Variants in SPC25 observed in about 807,000 individuals in gnomAD.
SPC25 encodes the protein kinetochore protein Spc25.
Under a neutral mutation model 29.6 loss-of-function variants are expected in SPC25, and 22 were observed. The observed-to-expected ratio is 0.74, with a 90% CI of 0.53 to 1.06. The LOEUF is 1.06. Among genes scored for constraint, SPC25 ranks in the 50% least tolerant of loss-of-function variants. SPC25 has a pLI of 0.00. For synonymous variants in SPC25, 91 were observed against 90.4 expected, an observed-to-expected ratio of 1.01 and a Z score of -0.04; for missense variants, 230 against 255.8, an observed-to-expected ratio of 0.90 and a Z score of 0.69.
At chr2:168,867,450 A>G (rs1196873656), downstream of SPC25, among the ~76,000 whole-genome samples, 2 of 152,234 alleles carry the variant, frequency 1.3e-5, no homozygotes, top group Admixed American at 1.3e-4. Context: ...CAAATTGGAT[A>G]AAGAGTCAAG....
intron 1 of SPC25, 23 bp from the exon 2 acceptor site, chr2:168,889,556 A>G: frequency 6.3e-7 from 1 of 1,594,250 alleles, no homozygotes; most frequent in South Asian, 1.1e-5. Context: ...TACATATTGC[A>G]TTTTTTAAGT....
chr2:168,872,796 A>G (rs892443295), intron 6 of SPC25, among the ~76,000 whole-genome samples: 1 of 152,164 alleles, frequency 6.6e-6, no homozygotes, highest in Non-Finnish European at 1.5e-5. Context: ...AAACATCTGT[A>G]TAAGAAATCA....
At chr2:168,867,489 C>A (rs914402591), downstream of SPC25, among the ~76,000 whole-genome samples, 63 of 152,176 alleles carry the variant, frequency 4.1e-4, no homozygotes, top group Non-Finnish European at 7.3e-5. Context: ...TTCAGGAAAC[C>A]CATCTCACAT....
intron 5 of SPC25, among the ~76,000 whole-genome samples, chr2:168,875,582 A>G (rs141900971): frequency 3.7e-4 from 56 of 152,248 alleles, no homozygotes; most frequent in African/African-American, 1.3e-3. Context: ...TCCATTTAAT[A>G]TCATCAGACC....
chr2:168,865,443 A>G (rs1689809583), intron 4 of SPC25: 1 of 154,684 alleles, frequency 6.5e-6, no homozygotes, highest in African/African-American at 2.4e-5. Flanking sequence ...GAGACAGGCA[A>G]TCAAGACACC....
intron 3 of SPC25, among the ~76,000 whole-genome samples, chr2:168,878,575 A>G (rs1229274233): frequency 6.6e-6 from 1 of 152,230 alleles, no homozygotes; most frequent in East Asian, 1.9e-4. Flanking sequence ...TGGTAAAACT[A>G]TAAGGAAAAA....
intron 4 of SPC25, among the ~76,000 whole-genome samples, chr2:168,864,106 T>G (rs1341398862): frequency 6.6e-6 from 1 of 152,122 alleles, no homozygotes; most frequent in Non-Finnish European, 1.5e-5. Flanking sequence ...TAGCTGGGAC[T>G]ACAGGCGTGT....
intron 4 of SPC25, chr2:168,863,305 TAAGAATAGTGATTTATGACTAAGAAAA>T (rs1455731357): frequency 2.3e-5 from 15 of 664,018 alleles, no homozygotes; most frequent in Non-Finnish European, 2.8e-5. Context: ...TAATGTCCTT[TAAGAATAGTGATTTATGACTAAGAAAA>T]TGTAGAAAAG....
intron 3 of SPC25, among the ~76,000 whole-genome samples, chr2:168,882,830 C>T (rs868127314): frequency 2.0e-5 from 3 of 151,950 alleles, no homozygotes; most frequent in Admixed American, 6.6e-5. Flanking sequence ...ATAATTTAAC[C>T]TCAGATTAAT....
chr2:168,867,770 C>T (rs1467598743), downstream of SPC25, among the ~76,000 whole-genome samples: 1 of 152,050 alleles, frequency 6.6e-6, no homozygotes, highest in East Asian at 1.9e-4. Flanking sequence ...CTTTAACACC[C>T]CACTGTCAAC....
intron 6 of SPC25, among the ~76,000 whole-genome samples, chr2:168,872,861 G>A (rs1015372847): frequency 1.3e-5 from 2 of 152,066 alleles, no homozygotes; most frequent in Admixed American, 6.6e-5. Context: ...AGGGCACAGC[G>A]CTGTGCCAGC....
At chr2:168,870,342 C>A (rs1288913703), downstream of SPC25, among the ~76,000 whole-genome samples, 4 of 151,440 alleles carry the variant, frequency 2.6e-5, no homozygotes, top group East Asian at 1.9e-4. Context: ...TCAACAAAAG[C>A]CGAAATTGAC....
At chr2:168,877,703 C>A (rs1690112421) in intron 3 of SPC25, among the ~76,000 whole-genome samples, 1 of 151,852 alleles carries the variant, frequency 6.6e-6, no homozygotes, top group Non-Finnish European at 1.5e-5. Context: ...TAAAAACTAC[C>A]AACAAAGATA....
At chr2:168,861,882 T>G in intron 4 of SPC25, 1 of 1,332,498 alleles carries the variant, frequency 7.5e-7, no homozygotes, top group South Asian at 1.2e-5. Flanking sequence ...CATCACACTG[T>G]TAAATAACCA....
At chr2:168,887,142 C>T (rs1343928037) in intron 3 of SPC25, among the ~76,000 whole-genome samples, 10 of 151,968 alleles carry the variant, frequency 6.6e-5, no homozygotes, top group Admixed American at 1.3e-4. Context: ...ATGGGTAGGC[C>T]GGTTGCAGTG....
rs538925917 is a variant in SPC25, at chr2:168,879,057, A to C, written c.200-1673T>G. Reference sequence around the variant, plus strand: ...TTATTGCTAAAATATGCTAATAATCATCTGAGCCTTCAGCAAGTCCTAAAC... The same window carrying C: ...TTATTGCTAAAATATGCTAATAATCCTCTGAGCCTTCAGCAAGTCCTAAAC... On this transcript the variant is annotated intron_variant, in intron 3 of 6. Transcript: ENST00000282074. 3.9e-5 allele frequency among the ~76,000 whole-genome samples: 6 copies of C among 152,360 alleles called. 1 individual carries two copies. The South Asian group carries it at 1.2e-3, about 32-fold the overall frequency.
intron 5 of SPC25, among the ~76,000 whole-genome samples, chr2:168,874,970 C>T (rs755145459): frequency 6.6e-6 from 1 of 152,142 alleles, no homozygotes; most frequent in Non-Finnish European, 1.5e-5. Flanking sequence ...AATCACCAAA[C>T]CTGAGAGTGA....
At chr2:168,866,115 A>G (rs1323669376), downstream of SPC25, among the ~76,000 whole-genome samples, 466 of 151,698 alleles carry the variant, frequency 3.1e-3, no homozygotes, top group Non-Finnish European at 4.4e-3. Flanking sequence ...AAAATTGGAA[A>G]AAACTACTTT....
At chr2:168,887,409 G>A (rs568102653) in intron 3 of SPC25, among the ~76,000 whole-genome samples, 5 of 138,468 alleles carry the variant, frequency 3.6e-5, no homozygotes, top group African/African-American at 9.0e-5. Context: ...GCAACAGAGC[G>A]AGACTCCATC....
Sources: allele counts gnomAD v4.1 joint callset (sites outside exome capture counted in the v4.1 genomes callset), GRCh38; gene constraint gnomAD v4.1.1; transcripts MANE v1.5; gene names NCBI Gene and HGNC (gene_info 2026-07-23, HGNC 2026-07-21).